The following DCAF15 variants were observed in gnomAD, a reference collection of about 807,000 sequenced individuals.
The protein encoded by DCAF15 is DDB1- and CUL4-associated factor 15.
In DCAF15, 24 loss-of-function variants were observed where a neutral mutation model predicts 68.0. That is an observed-to-expected ratio of 0.35 (90% CI 0.26 to 0.50). DCAF15 has a LOEUF of 0.50. Among genes scored for constraint, DCAF15 ranks in the 20% least tolerant of loss-of-function variants. The pLI is 0.98. For synonymous variants in DCAF15, 376 were observed against 341.6 expected, an observed-to-expected ratio of 1.10 and a Z score of -1.11; for missense variants, 627 against 830.6, an observed-to-expected ratio of 0.75 and a Z score of 3.01.
Position 13,959,385 on chromosome 19 carries a change from T to C in DCAF15, c.1125T>C (p.Pro375=). The C allele has an allele frequency of 3.1e-6, 5 of 1,605,916 alleles. No individual in the cohort carries two copies. The highest frequency in any genetic ancestry group is 3.4e-6 in the Non-Finnish European group (4 of 1,179,596). Residue 375 remains proline, a synonymous_variant, in exon 7 of 13, where the codon CCT becomes CCC. Coordinates refer to ENST00000254337, the MANE Select transcript of DCAF15 (RefSeq NM_138353.4). Reference sequence around the variant, plus strand: ...AGACGGCACCCCGGGACAGCCCCCCTGCCTCGGAGGCACCTGCCTCCGAGC... The same window carrying C: ...AGACGGCACCCCGGGACAGCCCCCCCGCCTCGGAGGCACCTGCCTCCGAGC... ...CGETAPRDSP[P]ASEAPASEPG...
In DCAF15 at chr19:13,959,868, C is replaced by T; in HGVS notation, c.1413C>T (p.Phe471=). ...DATWGHQFCS[F]SDYDIVILEV... is the part of the protein sequence containing the mutation. ...CCTGGGGCCATCAGTTCTGTTCTTT[C>T]AGCGACTATGACATCGTCATTCTGG... The change falls in exon 9 of 13, where the codon TTC becomes TTT. Residue 471 remains phenylalanine, a synonymous_variant. Coordinates refer to ENST00000254337, the MANE Select transcript of DCAF15 (RefSeq NM_138353.4). 1 of 1,244,182 alleles carries T rather than the reference C, an allele frequency of 8.0e-7. No homozygotes were observed. Among genetic ancestry groups the T allele is most frequent in the Non-Finnish European group, 1.1e-6 (1 of 898,482 alleles). 77.1% of individuals were successfully genotyped at this position (1,244,182 alleles called of 1,614,324 possible).
Position 13,959,377 on chromosome 19 carries a change from A to G in DCAF15, c.1117A>G (p.Ser373Gly). ...GTGTGGAGAGACGGCACCCCGGGAC[A>G]GCCCCCCTGCCTCGGAGGCACCTGC... ...ALCGETAPRD[S>G]PPASEAPASE... Residue 373 changes from serine to glycine, a missense_variant, in exon 7 of 13, where the codon AGC becomes GGC. By Grantham distance (56) the Ser-to-Gly change is moderately conservative. Transcript: ENST00000254337. 5.6e-6 allele frequency: 9 copies of G among 1,606,302 alleles called. No homozygotes were observed. The South Asian group carries it at 7.7e-5, about 14-fold the overall frequency.
At chr19:13,960,150 G>A in intron 10 of DCAF15, 81 bp downstream of exon 10, 1 of 1,585,422 alleles carries the variant, frequency 6.3e-7, no homozygotes. Flanking sequence ...GGGGACGTGA[G>A]AAGGCTCTCC....
intron 6 of DCAF15, among the ~76,000 whole-genome samples, chr19:13,957,468 G>A (rs1044659921): frequency 2.6e-5 from 4 of 152,122 alleles, no homozygotes; most frequent in African/African-American, 9.7e-5. Flanking sequence ...ATTGGGGAGC[G>A]ACTTAGGAGG....
At chr19:13,956,069 C>T (rs1314800924) in intron 4 of DCAF15, 51 bp downstream of exon 4, 1 of 1,611,430 alleles carries the variant, frequency 6.2e-7, no homozygotes, top group South Asian at 1.1e-5. Flanking sequence ...AGGGGGTGTG[C>T]AGTGGGGGCC....
In DCAF15 at chr19:13,959,855, A is replaced by C. The variant is rs761390028; in HGVS notation, c.1400A>C (p.Gln467Pro). The C allele has an allele frequency of 2.1e-6, 3 of 1,450,654 alleles. No homozygotes were observed. The highest frequency in any genetic ancestry group is 2.8e-6 in the Non-Finnish European group (3 of 1,074,526). The allele number at this position is 1,450,654 out of a possible 1,614,324, so 89.9% of individuals were successfully genotyped here. ...CGCCACGACGCTACCTGGGGCCATC[A>C]GTTCTGTTCTTTCAGCGACTATGAC... The part of the protein sequence containing the change: ...VIRHDATWGH[Q>P]FCSFSDYDIV... The change falls in exon 9 of 13, where the codon CAG becomes CCG. Residue 467 changes from glutamine (Q) to proline (P), a missense_variant. Around this residue, in one of 3 missense-constraint regions of DCAF15, gnomAD observed 118 missense variants for 211.8 expected, o/e 0.56. Coordinates refer to ENST00000254337, the MANE Select transcript of DCAF15 (RefSeq NM_138353.4).
At chr19:13,957,121 G>A (rs1973395569) in intron 6 of DCAF15, among the ~76,000 whole-genome samples, 1 of 152,224 alleles carries the variant, frequency 6.6e-6, no homozygotes, top group African/African-American at 2.4e-5. Flanking sequence ...GGACGGGGTA[G>A]CGCCCCTTTC....
chr19:13,960,174 T>C (rs1973555465), intron 10 of DCAF15, 105 bp downstream of exon 10: 1 of 1,569,516 alleles, frequency 6.4e-7, no homozygotes, highest in Non-Finnish European at 8.7e-7. Context: ...TGCCACAACC[T>C]GGCTGGGCCC....
intron 6 of DCAF15, among the ~76,000 whole-genome samples, chr19:13,957,560 A>C (rs1426539108): frequency 6.6e-6 from 1 of 152,204 alleles, no homozygotes; most frequent in African/African-American, 2.4e-5. Context: ...AGATGCGTGC[A>C]CATGTGGGTG....
Position 13,960,703 on chromosome 19 carries a change from AG to A in DCAF15, c.1747+125del, listed in dbSNP as rs1973588712. ...TGGTGAGGAGAGGGCAGCCCAGGCCAGGCCCAGCTCAGCAGCCCTGAAAGTG... is the reference window on the plus strand; with the variant it reads ...TGGTGAGGAGAGGGCAGCCCAGGCCAGCCCAGCTCAGCAGCCCTGAAAGTG... On this transcript the variant is annotated intron_variant, in intron 12 of 12. Coordinates refer to ENST00000254337, the MANE Select transcript of DCAF15 (RefSeq NM_138353.4). 1.4e-5 allele frequency: 15 copies of A among 1,094,744 alleles called. 1 individual carries two copies. Among genetic ancestry groups the A allele is most frequent in the Non-Finnish European group, 2.0e-5 (15 of 760,578 alleles). The allele number at this position is 1,094,744 out of a possible 1,614,324, so 67.8% of individuals were successfully genotyped here.
At position 13,954,432 on chromosome 19, in the gene DCAF15, T is replaced by C; in HGVS notation, c.225T>C (p.Tyr75=). 1.2e-6 allele frequency: 2 copies of C among 1,607,438 alleles called. No individual in the cohort carries two copies. Among genetic ancestry groups the C allele is most frequent in the Admixed American group, 1.7e-5 (1 of 59,744 alleles). ...LKNIVDEDFL[Y]AGHIFLGFSK... ...ACATTGTGGATGAGGACTTCCTCTATGCAGGGTGAGGCTGGGCCCAGGCAA... is the reference window on the plus strand; with the variant it reads ...ACATTGTGGATGAGGACTTCCTCTACGCAGGGTGAGGCTGGGCCCAGGCAA... Residue 75 remains tyrosine (Y), a synonymous_variant, in exon 2 of 13, where the codon TAT becomes TAC. Transcript: ENST00000254337.
Position 13,959,601 on chromosome 19 carries a change from C to G in DCAF15, c.1239C>G (p.Ile413Met). The change falls in exon 8 of 13, where the codon ATC becomes ATG. Residue 413 changes from isoleucine to methionine, a missense_variant. Physicochemically the swap from Ile to Met is conservative, Grantham distance 10 (BLOSUM62 1). Coordinates refer to ENST00000254337, the MANE Select transcript of DCAF15 (RefSeq NM_138353.4). Reference protein sequence around the residue: ...EPEDELEDDKISLPFVVTDLR... With the variant: ...EPEDELEDDKMSLPFVVTDLR... ...CCCCAGAGTTGGAGGACGACAAGAT[C>G]TCCCTGCCCTTCGTGGTGACTGATC... is the stretch of plus-strand genomic sequence containing the variant. 1 of 1,597,820 alleles carries G rather than the reference C, an allele frequency of 6.3e-7. No homozygotes were observed. Among genetic ancestry groups the G allele is most frequent in the Non-Finnish European group, 8.5e-7 (1 of 1,170,942 alleles).
chr19:13,960,167 C>G (rs1973555060), intron 10 of DCAF15, 98 bp downstream of exon 10: 1 of 1,572,712 alleles, frequency 6.4e-7, no homozygotes, highest in African/African-American at 1.4e-5. Context: ...CTCCCTGTGC[C>G]ACAACCTGGC....
intron 6 of DCAF15, among the ~76,000 whole-genome samples, chr19:13,956,869 C>T (rs1599461746): frequency 6.6e-6 from 1 of 152,358 alleles, no homozygotes; most frequent in East Asian, 1.9e-4. Flanking sequence ...AATTCTCCTG[C>T]CTCAGCCTCC....
At chr19:13,953,298 A>G in intron 1 of DCAF15, 1 of 640,974 alleles carries the variant, frequency 1.6e-6, no homozygotes, top group Non-Finnish European at 2.6e-6. Context: ...AGAAATGTGG[A>G]TCTCTTGCAG....
intron 6 of DCAF15, 38 bp from the exon 7 acceptor site, chr19:13,959,006 AC>A: frequency 6.5e-7 from 1 of 1,538,476 alleles, no homozygotes; most frequent in Non-Finnish European, 8.7e-7. Flanking sequence ...GGCTGGGAGC[AC>A]CCCAGACTGA....
In DCAF15 at chr19:13,961,168, G is replaced by C. The variant is rs916535313; in HGVS notation, c.*173G>C. 2.7e-6 allele frequency: 2 copies of C among 739,006 alleles called. No homozygotes were observed. The highest frequency in any genetic ancestry group is 4.4e-6 in the Non-Finnish European group (2 of 453,190). 45.8% of individuals were successfully genotyped at this position (739,006 alleles called of 1,614,324 possible). A position where few individuals can be genotyped will look rare whatever the true frequency, so the allele number is the denominator to read the frequency against. On this transcript the variant is annotated 3_prime_UTR_variant, in exon 13 of 13. Transcript: ENST00000254337. ...CCTCTGTTGGCCTGAGGGTCTGGAC[G>C]CTTTTTATTTATGCCTATTTAAGTT...
chr19:13,956,825 G>C (rs1296108737), intron 6 of DCAF15, among the ~76,000 whole-genome samples: 2 of 152,194 alleles, frequency 1.3e-5, no homozygotes, highest in East Asian at 1.9e-4. Context: ...CCAGTGGTGC[G>C]ATCTTGGCTC....
At chr19:13,959,950 C>A (rs1973540083) in intron 9 of DCAF15, 34 bp from the exon 10 acceptor site, 1 of 1,452,144 alleles carries the variant, frequency 6.9e-7, no homozygotes, top group African/African-American at 1.7e-5. Flanking sequence ...TGGGGTCGCC[C>A]TCAACAGTTG....
Sources: allele counts gnomAD v4.1 joint callset (sites outside exome capture counted in the v4.1 genomes callset), GRCh38; gene constraint gnomAD v4.1.1; regional missense constraint gnomAD v4.1.1; transcripts MANE v1.5; gene names NCBI Gene and HGNC (gene_info 2026-07-23, HGNC 2026-07-21).